Variants in RHOT1 observed in about 807,000 individuals in gnomAD.
RHOT1 encodes the protein mitochondrial Rho GTPase 1.
Under a neutral mutation model 95.3 loss-of-function variants are expected in RHOT1, and 27 were observed. The ratio of observed to expected loss-of-function variants is 0.28; its 90% confidence interval spans 0.21 to 0.39. RHOT1 has a LOEUF of 0.39. Among genes scored for constraint, RHOT1 ranks in the 10% least tolerant of loss-of-function variants. The probability of loss-of-function intolerance (pLI) is 1.00; values close to 1 mark genes in which losing one functional copy is unlikely to be tolerated. For synonymous variants in RHOT1, 227 were observed against 263.5 expected (o/e 0.86, Z 1.34); for missense variants, 578 against 786.7 (o/e 0.73, Z 3.17).
chr17:32,143,078 G>A (rs1475170646), intron 1 of RHOT1: 1 of 627,790 alleles, frequency 1.6e-6, no homozygotes, highest in Non-Finnish European at 3.1e-6. Flanking sequence ...CTGTCCTTCT[G>A]GGCCTCACAG....
At position 32,149,607 on chromosome 17, in the gene RHOT1, A is replaced by G. The variant is rs1292269148; in HGVS notation, c.37+6878A>G. On this transcript the variant is annotated intron_variant, in intron 1 of 19. Transcript: ENST00000545287. ...CCAGCAGTTCTATATATATATATATATATATATATATATATATATATATAT... is the reference window on the plus strand; with the variant it reads ...CCAGCAGTTCTATATATATATATATGTATATATATATATATATATATATAT... 4.3e-3 allele frequency among the ~76,000 whole-genome samples: 331 copies of G among 77,644 alleles called. 6 individuals carry two copies. The highest frequency in any genetic ancestry group is 0.025 in the African/African-American group (291 of 11,862). 50.9% of individuals were successfully genotyped at this position (77,644 alleles called of 152,430 possible). A position where few individuals can be genotyped will look rare whatever the true frequency, so the allele number is the denominator to read the frequency against.
intron 8 of RHOT1, among the ~76,000 whole-genome samples, chr17:32,183,677 GT>G (rs921417367): frequency 6.6e-6 from 1 of 152,048 alleles, no homozygotes; most frequent in African/African-American, 2.4e-5. Context: ...TACTACTTTT[GT>G]TTTTGTTTTT....
Position 32,208,188 on chromosome 17 carries a change from A to C in RHOT1, c.1618A>C (p.Ile540Leu). ...GCATGAAGTTAAACAAGAATACAGT[A>C]TTTCACCTACTGATTTCTGCAGGAA... Reference protein sequence around the residue: ...DLHEVKQEYSISPTDFCRKHK... With the variant: ...DLHEVKQEYSLSPTDFCRKHK... The change falls in exon 18 of 20, where the codon ATT becomes CTT. Residue 540 changes from isoleucine to leucine, a missense_variant. By Grantham distance (5) the Ile-to-Leu change is conservative. Around this residue, in one of 4 missense-constraint regions of RHOT1, gnomAD observed 296 missense variants for 338.5 expected, o/e 0.87. Transcript: ENST00000545287. 6.2e-7 allele frequency: 1 copy of C among 1,614,098 alleles called. No homozygotes were observed. The highest frequency in any genetic ancestry group is 8.5e-7 in the Non-Finnish European group (1 of 1,179,970).
chr17:32,208,906 A>T (rs934899618), intron 18 of RHOT1: 1 of 154,848 alleles, frequency 6.5e-6, no homozygotes, highest in African/African-American at 2.4e-5. Context: ...AACTGTGGTC[A>T]TCTCTGTAGT....
At chr17:32,147,798 G>A (rs1354835860) in intron 1 of RHOT1, among the ~76,000 whole-genome samples, 1 of 149,276 alleles carries the variant, frequency 6.7e-6, no homozygotes, top group East Asian at 2.0e-4. Flanking sequence ...CAGCCTGGGC[G>A]ATAGAGTGAG....
chr17:32,185,066 C>T (rs1257835017), intron 8 of RHOT1, among the ~76,000 whole-genome samples: 1 of 151,994 alleles, frequency 6.6e-6, no homozygotes, highest in African/African-American at 2.4e-5. Context: ...ACTATAGGCA[C>T]ATACCACCAT....
intron 8 of RHOT1, among the ~76,000 whole-genome samples, chr17:32,191,704 G>C (rs2036501234): frequency 6.6e-6 from 1 of 152,110 alleles, no homozygotes; most frequent in South Asian, 2.1e-4. Context: ...ATTAACCAGT[G>C]ATAATTTTGC....
chr17:32,165,505 C>T (rs1276938407), intron 1 of RHOT1, among the ~76,000 whole-genome samples: 1 of 150,062 alleles, frequency 6.7e-6, no homozygotes, highest in East Asian at 2.0e-4. Flanking sequence ...CCTGAGTGAT[C>T]GAGAGAGACC....
intron 9 of RHOT1, 39 bp from the exon 10 acceptor site, chr17:32,193,097 C>T (rs750573427): frequency 2.4e-6 from 3 of 1,265,728 alleles, no homozygotes; most frequent in Non-Finnish European, 3.4e-6. Flanking sequence ...GGTTTTAACG[C>T]TGGTTTGTTT....
At chr17:32,205,843 C>A (rs1280366242) in intron 16 of RHOT1, among the ~76,000 whole-genome samples, 1 of 152,116 alleles carries the variant, frequency 6.6e-6, no homozygotes, top group Non-Finnish European at 1.5e-5. Context: ...ACAGTGCCCA[C>A]CCCTGAATTT....
chr17:32,199,657 A>G (rs2037165434), intron 13 of RHOT1, 107 bp downstream of exon 13: 7 of 900,178 alleles, frequency 7.8e-6, no homozygotes, highest in Non-Finnish European at 8.1e-6. Flanking sequence ...AAATTCTTCA[A>G]TCATAATTGC....
intron 1 of RHOT1, among the ~76,000 whole-genome samples, chr17:32,168,555 T>G (rs1287773198): frequency 6.6e-6 from 1 of 151,446 alleles, no homozygotes; most frequent in Non-Finnish European, 1.5e-5. Flanking sequence ...ATTACAGGCA[T>G]GAGCCACTGC....
At chr17:32,199,072 C>T in intron 12 of RHOT1, 41 bp downstream of exon 12, 2 of 1,379,296 alleles carry the variant, frequency 1.5e-6, no homozygotes, top group Non-Finnish European at 2.1e-6. Context: ...TATAGTAAAA[C>T]ATTTTTCTAT....
chr17:32,157,002 C>G (rs1169906478), intron 1 of RHOT1, among the ~76,000 whole-genome samples: 6 of 152,238 alleles, frequency 3.9e-5, no homozygotes, highest in African/African-American at 1.2e-4. Flanking sequence ...TGAAGAAGCA[C>G]AGCTAGTAAG....
intron 6 of RHOT1, among the ~76,000 whole-genome samples, chr17:32,182,162 AT>A (rs1193575218): frequency 6.6e-6 from 1 of 151,896 alleles, no homozygotes; most frequent in Non-Finnish European, 1.5e-5. Flanking sequence ...AAATTATTTT[AT>A]TTGCTTATTG....
rs535426530 is a variant in RHOT1, at chr17:32,225,032, T to C, written c.*299T>C. The C allele has an allele frequency of 2.1e-5, 4 of 190,520 alleles. No homozygotes were observed. In the East Asian group the frequency reaches 4.8e-4, roughly 23 times the overall value. 11.8% of individuals were successfully genotyped at this position (190,520 alleles called of 1,614,324 possible). A position where few individuals can be genotyped will look rare whatever the true frequency, so the allele number is the denominator to read the frequency against. On this transcript the variant is annotated 3_prime_UTR_variant, in exon 20 of 20. Transcript: ENST00000545287. ...GGTCTCCCAAGCTGAGTTCTAGAAA[T>C]GATGTTTCTAGACATTTCTAAGTGG...
At chr17:32,221,127 G>C in intron 19 of RHOT1, 4 of 775,056 alleles carry the variant, frequency 5.2e-6, no homozygotes, top group Non-Finnish European at 6.3e-6. Context: ...CAGCACTTTC[G>C]GAAGCCGAGG....
chr17:32,177,084 G>A lies in RHOT1; in HGVS notation c.329+871G>A, dbSNP rs138642884. Among the ~76,000 whole-genome samples, 231 of 152,284 alleles carry A rather than the reference G, an allele frequency of 1.5e-3. 1 individual carries two copies. Among genetic ancestry groups the A allele is most frequent in the African/African-American group, 5.3e-3 (219 of 41,558 alleles). ...TGACATTATATGTGCTGTGAGAAAT[G>A]CTGTGGCATTGTATGGCTTCTCTTT... On this transcript the variant is annotated intron_variant, in intron 6 of 19. Coordinates refer to ENST00000545287, the MANE Select transcript of RHOT1 (RefSeq NM_001033566.3).
At chr17:32,178,510 G>A (rs139980323) in intron 6 of RHOT1, among the ~76,000 whole-genome samples, 166 of 152,234 alleles carry the variant, frequency 1.1e-3, no homozygotes, top group African/African-American at 3.4e-3. Context: ...TGCCCAGGCC[G>A]GAGTGCAGTG....
Sources: allele counts gnomAD v4.1 joint callset (sites outside exome capture counted in the v4.1 genomes callset), GRCh38; gene constraint gnomAD v4.1.1; regional missense constraint gnomAD v4.1.1; transcripts MANE v1.5; gene names NCBI Gene and HGNC (gene_info 2026-07-23, HGNC 2026-07-21).